The following CNOT6L variants were observed in gnomAD, a reference collection of about 807,000 sequenced individuals.
CNOT6L encodes the protein CCR4-NOT transcription complex subunit 6-like.
A neutral mutation model predicts 64.0 loss-of-function variants in CNOT6L; 7 were observed. The ratio of observed to expected loss-of-function variants is 0.11; its 90% confidence interval spans 0.06 to 0.21. CNOT6L has a LOEUF of 0.21. CNOT6L is among the 10% of genes least tolerant of loss of function. The pLI, the probability that CNOT6L is intolerant of heterozygous loss-of-function variation, is 1.00. For synonymous variants in CNOT6L, 193 were observed against 243.4 expected, an observed-to-expected ratio of 0.79 and a Z score of 1.93; for missense variants, 245 against 669.0, an observed-to-expected ratio of 0.37 and a Z score of 6.99.
At chr4:77,745,509 A>C (rs936454797) in intron 6 of CNOT6L, among the ~76,000 whole-genome samples, 1 of 152,132 alleles carries the variant, frequency 6.6e-6, no homozygotes, top group African/African-American at 2.4e-5. Flanking sequence ...GTAATCAATC[A>C]CCTGGGAATT....
At chr4:77,746,454 T>C (rs935983737) in intron 6 of CNOT6L, among the ~76,000 whole-genome samples, 10 of 152,264 alleles carry the variant, frequency 6.6e-5, no homozygotes, top group Non-Finnish European at 7.4e-5. Context: ...AGAAGTAAAA[T>C]GCATTTTTAA....
chr4:77,737,280 T>C (rs1723062424), intron 8 of CNOT6L, among the ~76,000 whole-genome samples: 1 of 152,070 alleles, frequency 6.6e-6, no homozygotes, highest in Non-Finnish European at 1.5e-5. Context: ...TAAAATGATA[T>C]AAAATGTGTT....
intron 4 of CNOT6L, among the ~76,000 whole-genome samples, chr4:77,760,077 T>C (rs1726009438): frequency 6.6e-6 from 1 of 152,172 alleles, no homozygotes; most frequent in East Asian, 1.9e-4. Flanking sequence ...GGAGATTTTT[T>C]AATGTTTTAA....
chr4:77,773,859 T>C lies in CNOT6L; in HGVS notation c.314+671A>G, dbSNP rs545061112. The stretch of plus-strand genomic sequence containing the variant: ...GCATAAATAAGATCTAACTTTATGA[T>C]TGTGAAATTTTGAGCAGCCTATAGG... On this transcript the variant is annotated intron_variant, in intron 3 of 11. Transcript: ENST00000504123. 2.6e-5 allele frequency among the ~76,000 whole-genome samples: 4 copies of C among 152,214 alleles called. No individual in the cohort carries two copies. The East Asian group carries it at 5.8e-4, about 22-fold the overall frequency.
intron 2 of CNOT6L, among the ~76,000 whole-genome samples, chr4:77,775,539 C>T (rs1325460369): frequency 6.6e-6 from 1 of 152,136 alleles, no homozygotes; most frequent in Non-Finnish European, 1.5e-5. Context: ...CACCATGGTA[C>T]ATTTGTCAAA....
intron 11 of CNOT6L, among the ~76,000 whole-genome samples, chr4:77,723,966 T>TA (rs1242967382): frequency 6.6e-6 from 1 of 152,020 alleles, no homozygotes; most frequent in African/African-American, 2.4e-5. Context: ...AAGTAAGCTT[T>TA]AAAAAAGTCT....
rs1255445612 is a variant in CNOT6L at position 77,717,305 on chromosome 4, TGA to T, written c.*3124_*3125del. 2 of 152,500 alleles carry T rather than the reference TGA, an allele frequency of 1.3e-5. No individual in the cohort carries two copies. The highest frequency in any genetic ancestry group is 2.9e-5 in the Non-Finnish European group (2 of 68,004). The allele number at this position is 152,500 out of a possible 1,614,324, so 9.4% of individuals were successfully genotyped here. A position where few individuals can be genotyped will look rare whatever the true frequency, so the allele number is the denominator to read the frequency against. ...AAGCTATGAGGTGGATACTGATGCC[TGA>T]GAGAGTGGGTGACTTGACATGCACT... On this transcript the variant is annotated 3_prime_UTR_variant, in exon 12 of 12. Coordinates refer to ENST00000504123, the MANE Select transcript of CNOT6L (RefSeq NM_144571.3).
At chr4:77,744,388 T>G (rs1723963119) in intron 7 of CNOT6L, among the ~76,000 whole-genome samples, 1 of 152,110 alleles carries the variant, frequency 6.6e-6, no homozygotes, top group African/African-American at 2.4e-5. Flanking sequence ...GGTAAATTTA[T>G]ATTCCTAAAA....
At chr4:77,816,889 C>G (rs974213096) in intron 1 of CNOT6L, among the ~76,000 whole-genome samples, 8 of 152,050 alleles carry the variant, frequency 5.3e-5, no homozygotes, top group African/African-American at 1.7e-4. Flanking sequence ...TTTTTCCACA[C>G]AGCAGTTAAA....
chr4:77,718,154 C>CT lies in CNOT6L; in HGVS notation c.*2276_*2277insA, dbSNP rs1383089076. On this transcript the variant is annotated 3_prime_UTR_variant, in exon 12 of 12. Coordinates refer to ENST00000504123, the MANE Select transcript of CNOT6L (RefSeq NM_144571.3). Reference sequence around the variant, plus strand: ...AACTTTAAATTCCATTTTATACAAACATCTCAAAAAATATTGGGAGTGAAG... The same window carrying CT: ...AACTTTAAATTCCATTTTATACAAACTATCTCAAAAAATATTGGGAGTGAAG... The CT allele has an allele frequency of 1.3e-5, 2 of 152,250 alleles. No individual in the cohort carries two copies. Among genetic ancestry groups the CT allele is most frequent in the African/African-American group, 4.8e-5 (2 of 41,318 alleles). The allele number at this position is 152,250 out of a possible 1,614,324, so 9.4% of individuals were successfully genotyped here. A position where few individuals can be genotyped will look rare whatever the true frequency, so the allele number is the denominator to read the frequency against.
intron 4 of CNOT6L, among the ~76,000 whole-genome samples, chr4:77,771,000 A>AGG (rs1727478032): frequency 6.6e-6 from 1 of 152,210 alleles, no homozygotes. Context: ...TGTTTCTAAT[A>AGG]CAAAGGGTAA....
chr4:77,761,071 A>T (rs1283893279), intron 4 of CNOT6L, among the ~76,000 whole-genome samples: 1 of 151,690 alleles, frequency 6.6e-6, no homozygotes, highest in East Asian at 1.9e-4. Flanking sequence ...ACTTAGAAGA[A>T]ATGGACAAAT....
intron 1 of CNOT6L, among the ~76,000 whole-genome samples, chr4:77,817,704 G>C (rs1264288562): frequency 6.6e-6 from 1 of 152,196 alleles, no homozygotes; most frequent in Non-Finnish European, 1.5e-5. Flanking sequence ...TCCAGTAGTG[G>C]TAATAGAGAA....
chr4:77,730,873 A>T (rs139932003), intron 9 of CNOT6L, among the ~76,000 whole-genome samples: 2 of 152,110 alleles, frequency 1.3e-5, no homozygotes, highest in South Asian at 4.1e-4. Context: ...TGAAGTACAT[A>T]ATGAGTTTCT....
chr4:77,774,740 TA>T (rs200163056), intron 2 of CNOT6L, 24 bp from the exon 3 acceptor site: 363 of 1,451,392 alleles, frequency 2.5e-4, no homozygotes, highest in South Asian at 7.5e-4. Flanking sequence ...TACTGAAGTG[TA>T]AAAAAAAACC....
At chr4:77,730,515 C>G (rs578255863) in intron 9 of CNOT6L, among the ~76,000 whole-genome samples, 6 of 151,644 alleles carry the variant, frequency 4.0e-5, no homozygotes, top group African/African-American at 1.4e-4. Flanking sequence ...ATATTCTCCA[C>G]AATATCAGAA....
At chr4:77,773,537 T>C (rs1211198357) in intron 3 of CNOT6L, among the ~76,000 whole-genome samples, 1 of 152,172 alleles carries the variant, frequency 6.6e-6, no homozygotes, top group Non-Finnish European at 1.5e-5. Context: ...GAAACTCGTC[T>C]AATTAATAGA....
Position 77,760,288 on chromosome 4 carries a change from T to C in CNOT6L, c.401-3337A>G, listed in dbSNP as rs968060461. Among the ~76,000 whole-genome samples, 3 of 151,968 alleles carry C rather than the reference T, an allele frequency of 2.0e-5. No individual in the cohort carries two copies. In the East Asian group the frequency reaches 5.8e-4, roughly 29 times the overall value. ...CTACTCACGAGGCTGAACAGGAGGA[T>C]TGCTTGGGTGCTGGAGTTAGAGGCT... On this transcript the variant is annotated intron_variant, in intron 4 of 11. Coordinates refer to ENST00000504123, the MANE Select transcript of CNOT6L (RefSeq NM_144571.3).
chr4:77,721,839 G>C (rs1721312176), intron 11 of CNOT6L, among the ~76,000 whole-genome samples: 1 of 151,986 alleles, frequency 6.6e-6, no homozygotes, highest in Non-Finnish European at 1.5e-5. Context: ...AGGTGTAGCA[G>C]CAGGCACCCA....
Sources: gnomAD v4.1 joint callset for allele counts (sites outside exome capture counted in the v4.1 genomes callset) on GRCh38, gnomAD v4.1.1 for gene constraint, MANE v1.5 for transcripts, NCBI Gene and HGNC (gene_info 2026-07-23, HGNC 2026-07-21) for gene names.